The following NMNAT2 variants were observed in gnomAD, a reference collection of about 807,000 sequenced individuals.
NMNAT2 encodes the protein nicotinamide/nicotinic acid mononucleotide adenylyltransferase 2.
In NMNAT2, 11 loss-of-function variants were observed where a neutral mutation model predicts 41.6. That is an observed-to-expected ratio of 0.26 (90% confidence interval 0.17 to 0.44). The LOEUF is 0.44. Ranked by LOEUF, NMNAT2 falls within the 20% of genes least tolerant of loss-of-function variation. The pLI is 1.00. For missense variants in NMNAT2, 288 were observed against 407.7 expected (o/e 0.71, Z 2.53); for synonymous variants, 148 against 151.2 (o/e 0.98, Z 0.16).
chr1:183,417,567 C>T (rs1649290583), intron 1 of NMNAT2, among the ~76,000 whole-genome samples: 1 of 152,168 alleles, frequency 6.6e-6, no homozygotes, highest in African/African-American at 2.4e-5. Flanking sequence ...GGGCCCCCTC[C>T]CTATTCACTC....
intron 1 of NMNAT2, among the ~76,000 whole-genome samples, chr1:183,315,460 G>A (rs1370620268): frequency 6.7e-6 from 1 of 150,074 alleles, no homozygotes; most frequent in Non-Finnish European, 1.5e-5. Context: ...TTGTGTGTGT[G>A]CGCTTGTGTG....
chr1:183,369,581 CT>C (rs939055847), intron 1 of NMNAT2, among the ~76,000 whole-genome samples: 1 of 152,014 alleles, frequency 6.6e-6, no homozygotes, highest in African/African-American at 2.4e-5. Context: ...CCAGCCTATT[CT>C]TTTTTTCAAT....
chr1:183,306,809 G>T lies in NMNAT2; in HGVS notation c.86-13016C>A, dbSNP rs76585202. 2.2e-3 allele frequency among the ~76,000 whole-genome samples: 338 copies of T among 152,226 alleles called. 7 individuals are homozygous for T. The East Asian group carries it at 0.058, about 26-fold the overall frequency. On this transcript the variant is annotated intron_variant, in intron 1 of 10. Coordinates refer to ENST00000287713, the MANE Select transcript of NMNAT2 (RefSeq NM_015039.4). ...AGGTTCAGATTTAAATCCTGCCCCA[G>T]GTGTCACCAGCTGGGTGACCTTGGG...
chr1:183,288,499 T>G (rs989589587), intron 4 of NMNAT2, among the ~76,000 whole-genome samples: 1 of 152,200 alleles, frequency 6.6e-6, no homozygotes, highest in Admixed American at 6.5e-5. Context: ...CTGGCAGAGC[T>G]TCTCTGGCCC....
chr1:183,374,990 T>C (rs1355753791), intron 1 of NMNAT2, among the ~76,000 whole-genome samples: 3 of 152,198 alleles, frequency 2.0e-5, no homozygotes, highest in Non-Finnish European at 4.4e-5. Context: ...CATTCATCGA[T>C]CCCTAAATGT....
chr1:183,276,089 T>C (rs1437170260), intron 8 of NMNAT2, among the ~76,000 whole-genome samples: 1 of 152,196 alleles, frequency 6.6e-6, no homozygotes, highest in Non-Finnish European at 1.5e-5. Context: ...TCCAAAGTCA[T>C]CCATCTCAGA....
At chr1:183,290,056 T>C in intron 4 of NMNAT2, 72 bp downstream of exon 4, 4 of 1,257,784 alleles carry the variant, frequency 3.2e-6, no homozygotes, top group Non-Finnish European at 4.5e-6. Flanking sequence ...CCCTGCCTGG[T>C]TTCTGTGGGT....
chr1:183,253,945 ATG>A (rs1220264993), intron 10 of NMNAT2, among the ~76,000 whole-genome samples: 7 of 108,010 alleles, frequency 6.5e-5, no homozygotes, highest in African/African-American at 2.2e-4. Flanking sequence ...GTGTGTGTGT[ATG>A]TGTGTGTGTA....
At chr1:183,306,785 G>A (rs1209424760) in intron 1 of NMNAT2, among the ~76,000 whole-genome samples, 3 of 152,160 alleles carry the variant, frequency 2.0e-5, no homozygotes, top group African/African-American at 7.2e-5. Context: ...CATGTTTACA[G>A]GTTCAGATTT....
At chr1:183,315,233 G>C (rs1662218915) in intron 1 of NMNAT2, among the ~76,000 whole-genome samples, 2 of 152,168 alleles carry the variant, frequency 1.3e-5, no homozygotes, top group Non-Finnish European at 2.9e-5. Flanking sequence ...AATCACTCGG[G>C]GCAGACACAC....
At chr1:183,294,195 A>G (rs1381256729) in intron 1 of NMNAT2, among the ~76,000 whole-genome samples, 2 of 152,214 alleles carry the variant, frequency 1.3e-5, no homozygotes, top group Admixed American at 6.5e-5. Flanking sequence ...CCTCCTTATA[A>G]TATGAAAGAT....
At chr1:183,320,575 C>T (rs10911307) in intron 1 of NMNAT2, among the ~76,000 whole-genome samples, 12,644 of 152,214 alleles carry the variant, frequency 0.083, 541 homozygotes, top group Admixed American at 0.11. Context: ...GCACTCCAGC[C>T]TGGGCGACAG....
At chr1:183,292,298 G>C (rs1298181586) in intron 3 of NMNAT2, among the ~76,000 whole-genome samples, 2 of 152,248 alleles carry the variant, frequency 1.3e-5, no homozygotes, top group African/African-American at 4.8e-5. Context: ...CACCCAGTGG[G>C]TGTGATTTGG....
chr1:183,408,599 G>A (rs772454070), intron 1 of NMNAT2, among the ~76,000 whole-genome samples: 10 of 152,038 alleles, frequency 6.6e-5, no homozygotes, highest in Non-Finnish European at 1.0e-4. Context: ...CAGATCAATA[G>A]CCATTCAGTT....
intron 1 of NMNAT2, among the ~76,000 whole-genome samples, chr1:183,361,682 C>A (rs1293229320): frequency 2.6e-5 from 4 of 152,174 alleles, no homozygotes; most frequent in African/African-American, 9.7e-5. Flanking sequence ...ACTGTAATCT[C>A]TTTGAGATAC....
At chr1:183,409,892 G>C (rs1649067715) in intron 1 of NMNAT2, among the ~76,000 whole-genome samples, 1 of 152,180 alleles carries the variant, frequency 6.6e-6, no homozygotes, top group African/African-American at 2.4e-5. Flanking sequence ...AACCTATCAG[G>C]GGGGTGAATT....
In NMNAT2 at chr1:183,284,974, C is replaced by G. The variant is rs1039204550; in HGVS notation, c.449-184G>C. Among the ~76,000 whole-genome samples, 4 of 152,186 alleles carry G rather than the reference C, an allele frequency of 2.6e-5. No homozygotes were observed. In the South Asian group the frequency reaches 8.3e-4, roughly 32 times the overall value. ...AGAAATATGACAGCACAAATTCCTT[C>G]TTCTCACTCACAGTCTGAGGCACAC... On this transcript the variant is annotated intron_variant, in intron 5 of 10. Transcript: ENST00000287713.
Position 183,304,944 on chromosome 1 carries a change from A to T in NMNAT2, c.86-11151T>A, listed in dbSNP as rs1571587245. 6 of 1,272,800 alleles carry T rather than the reference A, an allele frequency of 4.7e-6. No individual in the cohort carries two copies. The East Asian group carries it at 1.8e-4, about 38-fold the overall frequency. The allele number at this position is 1,272,800 out of a possible 1,614,324, so 78.8% of individuals were successfully genotyped here. A position where few individuals can be genotyped will look rare whatever the true frequency, so the allele number is the denominator to read the frequency against. On this transcript the variant is annotated intron_variant, in intron 1 of 10. Transcript: ENST00000287713. ...CCATAACTGTCACTTCTGCCAGACC[A>T]TGCTGAGAGAACCTCTCATATGCTC... is the stretch of plus-strand genomic sequence containing the variant.
At position 183,284,066 on chromosome 1, in the gene NMNAT2, C is replaced by T. The variant is rs1399685034; in HGVS notation, c.530-27G>A. 5 of 1,572,680 alleles carry T rather than the reference C, an allele frequency of 3.2e-6. No individual in the cohort carries two copies. In the African/African-American group the frequency reaches 5.4e-5, roughly 17 times the overall value. ...TAAGGAGGAAAGAAGGAAGGTAGGG[C>T]ATTAGGGAACAGGCTTCCTGGTACC... On this transcript the variant is annotated intron_variant, in intron 6 of 10. Transcript: ENST00000287713.
Sources: allele counts gnomAD v4.1 joint callset (sites outside exome capture counted in the v4.1 genomes callset), GRCh38; gene constraint gnomAD v4.1.1; transcripts MANE v1.5; gene names NCBI Gene and HGNC (gene_info 2026-07-23, HGNC 2026-07-21).